Variants in LINGO2 observed in about 807,000 individuals in gnomAD.
LINGO2 encodes leucine-rich repeat and immunoglobulin-like domain-containing nogo receptor-interacting protein 2.
LINGO2 carries 14 observed loss-of-function variants against 30.6 expected under a neutral mutation model. The ratio of observed to expected loss-of-function variants is 0.46; its 90% confidence interval spans 0.30 to 0.72. The LOEUF is 0.72. Among genes scored for constraint, LINGO2 ranks in the 30% least tolerant of loss-of-function variants. The pLI, the probability that LINGO2 is intolerant of heterozygous loss-of-function variation, is 0.07. For missense variants in LINGO2, 729 were observed against 751.7 expected, an observed-to-expected ratio of 0.97 and a Z score of 0.35; for synonymous variants, 317 against 288.5, an observed-to-expected ratio of 1.10 and a Z score of -1.00.
intron 5 of LINGO2, among the ~76,000 whole-genome samples, chr9:27,982,934 T>A (rs1820951104): frequency 6.6e-6 from 1 of 151,788 alleles, no homozygotes; most frequent in Non-Finnish European, 1.5e-5. Flanking sequence ...TACATACATG[T>A]TATCAATCCA....
chr9:29,175,768 A>G, the LINGO2 span, among the ~76,000 whole-genome samples: 12 of 151,900 alleles, frequency 7.9e-5, no homozygotes, highest in African/African-American at 2.7e-4. Context: ...CTCGTGATCC[A>G]CCCACCTCAG....
At chr9:29,073,959 T>A in the LINGO2 span, among the ~76,000 whole-genome samples, 1 of 152,164 alleles carries the variant, frequency 6.6e-6, no homozygotes, top group Non-Finnish European at 1.5e-5. Flanking sequence ...AAAGCTACCA[T>A]TCAGAAAAAT....
the LINGO2 span, among the ~76,000 whole-genome samples, chr9:29,191,476 T>C: frequency 1.6e-4 from 24 of 152,302 alleles, no homozygotes; most frequent in Admixed American, 1.3e-3. Flanking sequence ...TTTCTGTTTT[T>C]TTTTGGCGGC....
At chr9:28,205,256 A>T (rs1451910334) in intron 4 of LINGO2, among the ~76,000 whole-genome samples, 2 of 152,198 alleles carry the variant, frequency 1.3e-5, no homozygotes, top group Non-Finnish European at 2.9e-5. Flanking sequence ...CAAGAATGTA[A>T]GTTCCTCACC....
chr9:29,100,003 C>T, the LINGO2 span, among the ~76,000 whole-genome samples: 23 of 150,644 alleles, frequency 1.5e-4, no homozygotes, highest in South Asian at 3.4e-3. Flanking sequence ...GCAGAAGACT[C>T]GATAAAGAAA....
chr9:29,099,432 G>A, the LINGO2 span, among the ~76,000 whole-genome samples: 21 of 152,210 alleles, frequency 1.4e-4, no homozygotes, highest in South Asian at 3.3e-3. Flanking sequence ...AACAATCAAT[G>A]TAGTGAAGAT....
the LINGO2 span, among the ~76,000 whole-genome samples, chr9:28,797,347 TATATATATATATAG>T: frequency 7.3e-5 from 5 of 68,244 alleles, no homozygotes; most frequent in African/African-American, 2.4e-4. Context: ...TATATATATA[TATATATATATATAG>T]AGAGAGAGAG....
chr9:28,435,512 G>C (rs534415819), intron 2 of LINGO2, among the ~76,000 whole-genome samples: 3 of 152,116 alleles, frequency 2.0e-5, no homozygotes, highest in Non-Finnish European at 1.5e-5. Flanking sequence ...TGGACTGTGA[G>C]GTTTGATGCC....
At chr9:29,113,084 A>C in the LINGO2 span, among the ~76,000 whole-genome samples, 1 of 152,358 alleles carries the variant, frequency 6.6e-6, no homozygotes, top group South Asian at 2.1e-4. Context: ...TAACTTGCAA[A>C]TACAAAGAAA....
At chr9:28,498,918 G>T (rs1819773782) in intron 1 of LINGO2, among the ~76,000 whole-genome samples, 1 of 151,532 alleles carries the variant, frequency 6.6e-6, no homozygotes, top group South Asian at 2.1e-4. Context: ...TAGCAATAAA[G>T]GTAAATATTA....
chr9:28,707,811 T>C, the LINGO2 span, among the ~76,000 whole-genome samples: 3 of 152,086 alleles, frequency 2.0e-5, no homozygotes, highest in African/African-American at 7.2e-5. Flanking sequence ...CCATCTGTGC[T>C]GAGAATTATA....
the LINGO2 span, among the ~76,000 whole-genome samples, chr9:28,691,711 T>G: frequency 6.6e-6 from 1 of 152,158 alleles, no homozygotes; most frequent in Non-Finnish European, 1.5e-5. Flanking sequence ...GTGCATATTA[T>G]TTTATTAAAA....
chr9:28,226,164 A>G (rs1346487985), intron 4 of LINGO2, among the ~76,000 whole-genome samples: 2 of 152,222 alleles, frequency 1.3e-5, no homozygotes, highest in Non-Finnish European at 2.9e-5. Flanking sequence ...ATTTAAAAAC[A>G]TGTATCCAAA....
At chr9:28,457,693 G>A (rs1163048695) in intron 2 of LINGO2, among the ~76,000 whole-genome samples, 1 of 152,092 alleles carries the variant, frequency 6.6e-6, no homozygotes, top group Non-Finnish European at 1.5e-5. Context: ...AGCCTCCCAA[G>A]TAGCTGGAAT....
chr9:29,150,274 AATAT>A, the LINGO2 span, among the ~76,000 whole-genome samples: 1 of 152,200 alleles, frequency 6.6e-6, no homozygotes, highest in Non-Finnish European at 1.5e-5. Flanking sequence ...AAGCCAATTG[AATAT>A]ATTCCATTTA....
chr9:27,963,625 C>T (rs73439714), intron 5 of LINGO2, among the ~76,000 whole-genome samples: 8,359 of 151,414 alleles, frequency 0.055, 760 homozygotes, highest in African/African-American at 0.19. Context: ...ATGGATAGCA[C>T]AGAAATCTCT....
chr9:28,211,425 T>C (rs1029400814), intron 4 of LINGO2, among the ~76,000 whole-genome samples: 2 of 151,060 alleles, frequency 1.3e-5, no homozygotes, highest in Non-Finnish European at 3.0e-5. Context: ...ATTTTAAAGG[T>C]GTACTGCCAT....
intron 3 of LINGO2, among the ~76,000 whole-genome samples, chr9:28,324,894 C>G (rs1825172081): frequency 6.6e-6 from 1 of 152,144 alleles, no homozygotes; most frequent in Non-Finnish European, 1.5e-5. Context: ...TATTGATTTG[C>G]CTCAAATTCT....
At chr9:29,040,087 G>T in the LINGO2 span, among the ~76,000 whole-genome samples, 1 of 151,902 alleles carries the variant, frequency 6.6e-6, no homozygotes, top group African/African-American at 2.4e-5. Context: ...TACATTATTT[G>T]TTCCCTAATT....
Sources: gnomAD v4.1 joint callset for allele counts (sites outside exome capture counted in the v4.1 genomes callset) on GRCh38, gnomAD v4.1.1 for gene constraint, MANE v1.5 for transcripts, NCBI Gene and HGNC (gene_info 2026-07-23, HGNC 2026-07-21) for gene names.